Variants in CAP1 observed in about 807,000 individuals in gnomAD.
CAP1 encodes the protein adenylyl cyclase-associated protein 1.
In CAP1, 11 loss-of-function variants were observed where a neutral mutation model predicts 58.2. The ratio of observed to expected loss-of-function variants is 0.19; its 90% CI spans 0.12 to 0.31. The LOEUF (loss-of-function observed/expected upper bound fraction) is 0.31. Among genes scored for constraint, CAP1 ranks in the 10% least tolerant of loss-of-function variants. The pLI is 1.00. For missense variants in CAP1, 423 were observed against 587.5 expected, an observed-to-expected ratio of 0.72 and a Z score of 2.89; for synonymous variants, 183 against 213.8, an observed-to-expected ratio of 0.86 and a Z score of 1.26.
intron 4 of CAP1, among the ~76,000 whole-genome samples, chr1:40,062,801 A>G (rs141567584): frequency 1.0e-4 from 5 of 47,778 alleles, no homozygotes; most frequent in Non-Finnish European, 1.9e-4. Flanking sequence ...GTGTGTGTAT[A>G]GATGCCATCT....
chr1:40,054,633 A>T (rs938685663), intron 1 of CAP1, among the ~76,000 whole-genome samples: 3 of 151,900 alleles, frequency 2.0e-5, no homozygotes, highest in Admixed American at 2.0e-4. Context: ...TAAATAAATT[A>T]TTTTATTTTT....
intron 1 of CAP1, chr1:40,041,550 G>T (rs3131686): frequency 6.6e-6 from 1 of 152,156 alleles, no homozygotes; most frequent in Non-Finnish European, 1.5e-5. Context: ...CCTCAGTGCT[G>T]AGTGTCTGTG....
rs1451527811 is a variant in CAP1, at chr1:40,071,834, G to T, written c.*301G>T. On this transcript the variant is annotated 3_prime_UTR_variant, in exon 13 of 13. Transcript: ENST00000372805. ...ATGCATTTTAGCTTTGAGCTTTTGG[G>T]GGTTATTCTACCAACAAACAGTCCA... 2 of 465,876 alleles carry T rather than the reference G, an allele frequency of 4.3e-6. No individual in the cohort carries two copies. Among genetic ancestry groups the T allele is most frequent in the African/African-American group, 3.9e-5 (2 of 50,958 alleles). 28.9% of individuals were successfully genotyped at this position (465,876 alleles called of 1,614,324 possible). A position where few individuals can be genotyped will look rare whatever the true frequency, so the allele number is the denominator to read the frequency against.
At chr1:40,044,151 A>G (rs1200689086) in intron 1 of CAP1, among the ~76,000 whole-genome samples, 1 of 151,750 alleles carries the variant, frequency 6.6e-6, no homozygotes, top group Non-Finnish European at 1.5e-5. Context: ...GGTTGCAGTT[A>G]TTTTTTTAGC....
At chr1:40,062,038 C>G (rs1056649640) in intron 4 of CAP1, among the ~76,000 whole-genome samples, 2 of 152,118 alleles carry the variant, frequency 1.3e-5, no homozygotes, top group African/African-American at 4.8e-5. Context: ...TTGCATAGGA[C>G]TGTGGTTATC....
At chr1:40,046,216 G>A (rs958900223) in intron 1 of CAP1, among the ~76,000 whole-genome samples, 5 of 152,194 alleles carry the variant, frequency 3.3e-5, no homozygotes, top group Admixed American at 6.5e-5. Context: ...AGCATTTTGG[G>A]AGGCCAAGGC....
intron 6 of CAP1, 58 bp downstream of exon 6, chr1:40,064,617 C>G: frequency 7.4e-7 from 1 of 1,345,654 alleles, no homozygotes; most frequent in African/African-American, 1.4e-5. Flanking sequence ...TGCGTTGTCA[C>G]CCAGGCTGAA....
intron 4 of CAP1, among the ~76,000 whole-genome samples, chr1:40,062,891 A>G (rs1393231345): frequency 6.6e-6 from 1 of 152,098 alleles, no homozygotes; most frequent in Non-Finnish European, 1.5e-5. Flanking sequence ...TGTTCAGGAA[A>G]TGGAGCTTTG....
rs754137645 is a variant in CAP1 at position 40,070,821 on chromosome 1, T to G, written c.1201-15T>G. 2.5e-6 allele frequency: 4 copies of G among 1,600,230 alleles called. No individual in the cohort carries two copies. The highest frequency in any genetic ancestry group is 3.4e-6 in the Non-Finnish European group (4 of 1,174,132). On this transcript the variant is annotated splice_polypyrimidine_tract_variant and intron_variant, in intron 11 of 12. Transcript: ENST00000372805. ...CCCAACCACTGGGACTCAGTTCTCT[T>G]TGTTTACTCTGCAGGTAATGGGTAA...
At position 40,070,160 on chromosome 1, in the gene CAP1, A is replaced by C. The variant is rs1417778766; in HGVS notation, c.995A>C (p.Glu332Ala). Reference sequence around the variant, plus strand: ...AATCCTGGGATCTCTCTCTAACAGGAAAATCAGGAAAATGTTTCCAACCTG... The same window carrying C: ...AATCCTGGGATCTCTCTCTAACAGGCAAATCAGGAAAATGTTTCCAACCTG... ...LELEGKKWRV[E>A]NQENVSNLVI... The change falls in exon 10 of 13, where the codon GAA becomes GCA. Residue 332 changes from glutamate (E) to alanine (A), a missense_variant and splice_region_variant. Glu to Ala is a moderately radical substitution (Grantham distance 107). Coordinates refer to ENST00000372805, the MANE Select transcript of CAP1 (RefSeq NM_006367.4). The C allele has an allele frequency of 1.2e-6, 2 of 1,614,126 alleles. No individual in the cohort carries two copies. The highest frequency in any genetic ancestry group is 1.7e-5 in the Admixed American group (1 of 60,018).
At position 40,070,188 on chromosome 1, in the gene CAP1, G is replaced by T. The variant is rs754273280; in HGVS notation, c.1023G>T (p.Val341=). Residue 341 remains valine (V), a synonymous_variant, in exon 10 of 13, where the codon GTG becomes GTT. Transcript: ENST00000372805. Reference sequence around the variant, plus strand: ...ATCAGGAAAATGTTTCCAACCTGGTGATTGAGGACACAGAGCTGAAACAGG... The same window carrying T: ...ATCAGGAAAATGTTTCCAACCTGGTTATTGAGGACACAGAGCTGAAACAGG... ...VENQENVSNL[V]IEDTELKQVA... is the part of the protein sequence containing the mutation. The T allele has an allele frequency of 1.2e-6, 2 of 1,614,056 alleles. No individual in the cohort carries two copies. Among genetic ancestry groups the T allele is most frequent in the African/African-American group, 2.7e-5 (2 of 74,926 alleles).
At chr1:40,057,017 T>G (rs1214864314) in intron 1 of CAP1, among the ~76,000 whole-genome samples, 1 of 152,190 alleles carries the variant, frequency 6.6e-6, no homozygotes, top group East Asian at 1.9e-4. Context: ...ACAGCGGAAC[T>G]TTAGCTTGTT....
chr1:40,071,046 G>A lies in CAP1; in HGVS notation c.1344+67G>A. ...GGGACTGAAGATTTCTGGCATTGAAGAAAGCTATTTTATGAACATTCTGCA... is the reference window on the plus strand; with the variant it reads ...GGGACTGAAGATTTCTGGCATTGAAAAAAGCTATTTTATGAACATTCTGCA... On this transcript the variant is annotated intron_variant, in intron 12 of 12. Coordinates refer to ENST00000372805, the MANE Select transcript of CAP1 (RefSeq NM_006367.4). 4 of 1,446,124 alleles carry A rather than the reference G, an allele frequency of 2.8e-6. No homozygotes were observed. The East Asian group carries it at 9.1e-5, about 33-fold the overall frequency. 89.6% of individuals were successfully genotyped at this position (1,446,124 alleles called of 1,614,324 possible).
At chr1:40,041,308 C>G (rs1327553901) in intron 1 of CAP1, 1 of 152,230 alleles carries the variant, frequency 6.6e-6, no homozygotes, top group African/African-American at 2.4e-5. Flanking sequence ...GCCCCGCAGG[C>G]TGCTGCAGGT....
intron 1 of CAP1, among the ~76,000 whole-genome samples, chr1:40,048,215 G>A (rs1646194156): frequency 6.6e-6 from 1 of 151,848 alleles, no homozygotes; most frequent in Non-Finnish European, 1.5e-5. Flanking sequence ...TTTTATTTTT[G>A]TATTTTTAGT....
intron 1 of CAP1, among the ~76,000 whole-genome samples, chr1:40,053,546 G>A: frequency 6.6e-6 from 1 of 152,208 alleles, no homozygotes; most frequent in Non-Finnish European, 1.5e-5. Context: ...CGCCTCCCAG[G>A]TTCCAGCAAT....
chr1:40,050,479 C>A (rs902800863), intron 1 of CAP1, among the ~76,000 whole-genome samples: 47 of 151,106 alleles, frequency 3.1e-4, no homozygotes, highest in Admixed American at 2.9e-3. Context: ...GCCAACATGG[C>A]GAAACCTTGT....
Position 40,069,727 on chromosome 1 carries a change from G to A in CAP1, c.846G>A (p.Lys282=). 2 of 1,613,736 alleles carry A rather than the reference G, an allele frequency of 1.2e-6. No homozygotes were observed. The highest frequency in any genetic ancestry group is 1.7e-6 in the Non-Finnish European group (2 of 1,179,848). ...TATCTGATGACATGAAGACTCACAAGAACCCTGCCCTGAAGGCTCAGAGTG... is the reference window on the plus strand; with the variant it reads ...TATCTGATGACATGAAGACTCACAAAAACCCTGCCCTGAAGGCTCAGAGTG... ...KHVSDDMKTH[K]NPALKAQSGP... is the part of the protein sequence containing the mutation. Residue 282 remains lysine, a synonymous_variant, in exon 9 of 13, where the codon AAG becomes AAA. Transcript: ENST00000372805.
chr1:40,064,439 A>G (rs776804058), intron 5 of CAP1, 35 bp from the exon 6 acceptor site: 1 of 1,611,478 alleles, frequency 6.2e-7, no homozygotes, highest in Non-Finnish European at 8.5e-7. Flanking sequence ...ATAGTTGGAG[A>G]GGTCCTGAGT....
Sources: allele counts gnomAD v4.1 joint callset (sites outside exome capture counted in the v4.1 genomes callset), GRCh38; gene constraint gnomAD v4.1.1; transcripts MANE v1.5; gene names NCBI Gene and HGNC (gene_info 2026-07-23, HGNC 2026-07-21).